PPIG: variants seen among roughly 807,000 people sequenced by gnomAD.
The protein encoded by PPIG is peptidyl-prolyl cis-trans isomerase G.
PPIG carries 26 observed loss-of-function variants against 87.9 expected under a neutral mutation model. The observed-to-expected ratio is 0.30, with a 90% CI of 0.22 to 0.41. PPIG has a LOEUF of 0.41. Among genes scored for constraint, PPIG ranks in the 10% least tolerant of loss-of-function variants. The pLI is 1.00. For synonymous variants in PPIG, 308 were observed against 276.5 expected (o/e 1.11, Z -1.13); for missense variants, 722 against 879.4 (o/e 0.82, Z 2.26).
chr2:169,593,279 C>G (rs1684918006), intron 1 of PPIG, among the ~76,000 whole-genome samples: 1 of 151,990 alleles, frequency 6.6e-6, no homozygotes, highest in South Asian at 2.1e-4. Context: ...ACTGCAACCT[C>G]TGCCTCCTGG....
At chr2:169,624,051 C>T (rs537774767) in intron 9 of PPIG, among the ~76,000 whole-genome samples, 9 of 152,256 alleles carry the variant, frequency 5.9e-5, no homozygotes, top group East Asian at 5.8e-4. Flanking sequence ...ACTGCAACCT[C>T]GAACTCCTGG....
Position 169,599,981 on chromosome 2 carries a change from A to G in PPIG, c.-69-3661A>G, listed in dbSNP as rs553935623. 2.0e-5 allele frequency among the ~76,000 whole-genome samples: 3 copies of G among 152,326 alleles called. No homozygotes were observed. In the East Asian group the frequency reaches 5.8e-4, roughly 29 times the overall value. On this transcript the variant is annotated intron_variant, in intron 1 of 13. Coordinates refer to ENST00000260970, the MANE Select transcript of PPIG (RefSeq NM_004792.3). ...TATTTACTTCATTAGTGAATCTAAAAAGCTGTTTCATATCCAGGGTTCAGG... is the reference window on the plus strand; with the variant it reads ...TATTTACTTCATTAGTGAATCTAAAGAGCTGTTTCATATCCAGGGTTCAGG...
chr2:169,624,047 A>G (rs1219745882), intron 9 of PPIG, among the ~76,000 whole-genome samples: 1 of 152,052 alleles, frequency 6.6e-6, no homozygotes, highest in East Asian at 1.9e-4. Context: ...GTTCACTGCA[A>G]CCTCGAACTC....
chr2:169,604,644 G>C (rs1016395698), intron 4 of PPIG, among the ~76,000 whole-genome samples: 2 of 152,028 alleles, frequency 1.3e-5, no homozygotes, highest in African/African-American at 4.8e-5. Flanking sequence ...GGGAGGCCGA[G>C]GGGGGTGGCT....
At position 169,640,204 on chromosome 2, in the gene PPIG, C is replaced by A. The variant is rs1316634101; in HGVS notation, c.*2681C>A. On this transcript the variant is annotated 3_prime_UTR_variant, in exon 14 of 14. Transcript: ENST00000260970. The stretch of plus-strand genomic sequence containing the variant: ...AGTTTTAAGTTACTTAATTGAAGCC[C>A]TCAGAAGTTGCAAAGAATTTATCTG... 1 of 152,108 alleles carries A rather than the reference C, an allele frequency of 6.6e-6. No homozygotes were observed. The highest frequency in any genetic ancestry group is 1.5e-5 in the Non-Finnish European group (1 of 68,004). The allele number at this position is 152,108 out of a possible 1,614,324, so 9.4% of individuals were successfully genotyped here.
rs1185417361 is a variant in PPIG at position 169,606,152 on chromosome 2, A to G, written c.244+6A>G. The G allele has an allele frequency of 6.4e-7, 1 of 1,562,758 alleles. No homozygotes were observed. The highest frequency in any genetic ancestry group is 1.1e-5 in the South Asian group (1 of 89,752). On this transcript the variant is annotated splice_donor_region_variant and intron_variant, in intron 5 of 13. Transcript: ENST00000260970. ...AGGTGGTGACTTCAGTGAAGGTGAG[A>G]CTTGGAAAAATCATGTATTATTTTC...
chr2:169,619,903 A>C (rs1256010394), intron 9 of PPIG, among the ~76,000 whole-genome samples: 2 of 152,008 alleles, frequency 1.3e-5, no homozygotes. Flanking sequence ...ATCTCTTCAG[A>C]TTCTTTTCCC....
At chr2:169,587,481 C>G (rs1482465484) in intron 1 of PPIG, among the ~76,000 whole-genome samples, 1 of 152,126 alleles carries the variant, frequency 6.6e-6, no homozygotes, top group African/African-American at 2.4e-5. Context: ...ACCTCATGAT[C>G]TGCCCACCTT....
intron 12 of PPIG, among the ~76,000 whole-genome samples, chr2:169,634,548 G>GC (rs1198865102): frequency 6.6e-6 from 1 of 152,170 alleles, no homozygotes; most frequent in Non-Finnish European, 1.5e-5. Context: ...ACAAAGTTGA[G>GC]CACAAGCTCT....
At chr2:169,596,395 G>T (rs1453013168) in intron 1 of PPIG, among the ~76,000 whole-genome samples, 1 of 151,938 alleles carries the variant, frequency 6.6e-6, no homozygotes, top group East Asian at 1.9e-4. Flanking sequence ...GTGAGCCTTC[G>T]CACCCGGCCG....
intron 1 of PPIG, among the ~76,000 whole-genome samples, chr2:169,595,730 A>G (rs1047222917): frequency 7.2e-5 from 11 of 152,224 alleles, no homozygotes; most frequent in Non-Finnish European, 1.5e-4. Flanking sequence ...TGTTGTTACA[A>G]ATAACAGGAT....
In PPIG at chr2:169,637,264, G is replaced by A. The variant is rs79851002; in HGVS notation, c.2006G>A (p.Arg669His). 2.6e-4 allele frequency: 424 copies of A among 1,612,748 alleles called. No individual in the cohort carries two copies. The highest frequency in any genetic ancestry group is 3.4e-4 in the Non-Finnish European group (396 of 1,179,724). The change falls in exon 14 of 14, where the codon CGT becomes CAT. Residue 669 changes from arginine (R) to histidine (H), a missense_variant. This residue lies in a region of PPIG where 476 missense variants were observed against 483.1 expected (regional missense o/e 0.99). Coordinates refer to ENST00000260970, the MANE Select transcript of PPIG (RefSeq NM_004792.3). ...GAGAAAAGAATGTACTCTAAAAGTC[G>A]TGATCATAATAGCTCAAATAACAGC... ...ESEKRMYSKS[R>H]DHNSSNNSRE...
Position 169,604,198 on chromosome 2 carries a change from G to A in PPIG, c.73G>A (p.Val25Ile), listed in dbSNP as rs1445617202. ...ACCTTCTTTTTCAGCTGGAAGAGTTGTCTTTGAATTATTTTCTGATGTGTG... is the reference window on the plus strand; with the variant it reads ...ACCTTCTTTTTCAGCTGGAAGAGTTATCTTTGAATTATTTTCTGATGTGTG... ...AINNQPAGRV[V>I]FELFSDVCPK... is the part of the protein sequence containing the mutation. Residue 25 changes from valine (V) to isoleucine (I), a missense_variant, in exon 4 of 14, where the codon GTC becomes ATC. Val to Ile is a conservative substitution (Grantham distance 29). This residue lies in a region of PPIG where 99 missense variants were observed against 215.8 expected (regional missense o/e 0.46). Coordinates refer to ENST00000260970, the MANE Select transcript of PPIG (RefSeq NM_004792.3). 6.2e-7 allele frequency: 1 copy of A among 1,613,114 alleles called. No homozygotes were observed. Among genetic ancestry groups the A allele is most frequent in the African/African-American group, 1.3e-5 (1 of 74,846 alleles).
At chr2:169,633,460 A>T in intron 12 of PPIG, 1 of 588,264 alleles carries the variant, frequency 1.7e-6, no homozygotes, top group East Asian at 3.0e-5. Context: ...TTTTACATTT[A>T]CATGGTATAA....
At chr2:169,632,036 A>G (rs756229186) in intron 11 of PPIG, 103 bp downstream of exon 11, 41 of 1,294,086 alleles carry the variant, frequency 3.2e-5, no homozygotes, top group African/African-American at 3.0e-5. Flanking sequence ...CCTTGTCCCA[A>G]GATTGAAATC....
intron 1 of PPIG, among the ~76,000 whole-genome samples, chr2:169,588,234 CGT>C (rs201838400): frequency 1.8e-4 from 28 of 151,852 alleles, no homozygotes; most frequent in Admixed American, 8.5e-4. Flanking sequence ...GAAGCATATT[CGT>C]GTGTGTGTGT....
Position 169,598,905 on chromosome 2 carries a change from G to T in PPIG, c.-69-4737G>T, listed in dbSNP as rs1227890646. ...GGTAAATATATTTATGTAAATATAG[G>T]TAAATATTTATATTTATATAAATAC... On this transcript the variant is annotated intron_variant, in intron 1 of 13. Transcript: ENST00000260970. 2.7e-5 allele frequency among the ~76,000 whole-genome samples: 4 copies of T among 149,450 alleles called. No homozygotes were observed. The East Asian group carries it at 7.8e-4, about 29-fold the overall frequency.
Position 169,637,143 on chromosome 2 carries a change from C to A in PPIG, c.1885C>A (p.Arg629=), listed in dbSNP as rs115094882. 1.8e-5 allele frequency: 29 copies of A among 1,612,092 alleles called. No homozygotes were observed. The African/African-American group carries it at 2.9e-4, about 16-fold the overall frequency. ...TAGGAGGAGAAGGAGGAGAGACTCA[C>A]GGAGCTCAGAGAGAGAAGAAAGTCA... is the stretch of plus-strand genomic sequence containing the variant. ...KDRRRRRRDS[R]SSEREESQSR... is the part of the protein sequence containing the mutation. The change falls in exon 14 of 14, where the codon CGG becomes AGG. Residue 629 remains arginine (R), a synonymous_variant. Transcript: ENST00000260970.
intron 9 of PPIG, among the ~76,000 whole-genome samples, chr2:169,621,869 A>G (rs1381600143): frequency 6.6e-6 from 1 of 151,510 alleles, no homozygotes; most frequent in Admixed American, 6.6e-5. Flanking sequence ...AAGCAGGAGG[A>G]TCGCTTGAGC....
Sources: gnomAD v4.1 joint callset for allele counts (sites outside exome capture counted in the v4.1 genomes callset) on GRCh38, gnomAD v4.1.1 for gene constraint, gnomAD v4.1.1 regional missense constraint, MANE v1.5 for transcripts, NCBI Gene and HGNC (gene_info 2026-07-23, HGNC 2026-07-21) for gene names.